ACOXL: variants seen among roughly 807,000 people sequenced by gnomAD.
ACOXL encodes acyl-coenzyme A oxidase-like protein.
In ACOXL, 70 loss-of-function variants were observed where a neutral mutation model predicts 71.9. The ratio of observed to expected loss-of-function variants is 0.97; its 90% CI spans 0.80 to 1.19. ACOXL has a LOEUF of 1.19. Among genes scored for constraint, ACOXL ranks in the 50% most tolerant of loss-of-function variants. The probability of loss-of-function intolerance (pLI) is 0.00; values close to 1 mark genes in which losing one functional copy is unlikely to be tolerated. For synonymous variants in ACOXL, 253 were observed against 281.6 expected (o/e 0.90, Z 1.02); for missense variants, 703 against 736.3 (o/e 0.95, Z 0.52).
At chr2:110,881,693 C>T (rs1176158291) in intron 10 of ACOXL, among the ~76,000 whole-genome samples, 1 of 152,110 alleles carries the variant, frequency 6.6e-6, no homozygotes, top group Non-Finnish European at 1.5e-5. Flanking sequence ...TATCAGTTAC[C>T]TTGCATTTTC....
intron 1 of ACOXL, among the ~76,000 whole-genome samples, chr2:110,759,605 G>T (rs981181416): frequency 4.6e-5 from 7 of 152,056 alleles, no homozygotes; most frequent in African/African-American, 1.7e-4. Context: ...ACATACTGAT[G>T]GGTCTTGGCG....
At chr2:110,958,498 C>G (rs1172703199) in intron 12 of ACOXL, among the ~76,000 whole-genome samples, 1 of 152,212 alleles carries the variant, frequency 6.6e-6, no homozygotes, top group Non-Finnish European at 1.5e-5. Context: ...ATCCCCCAGG[C>G]TTCCATTCAG....
At chr2:110,815,891 G>A (rs1687849616) in intron 9 of ACOXL, among the ~76,000 whole-genome samples, 1 of 152,246 alleles carries the variant, frequency 6.6e-6, no homozygotes, top group African/African-American at 2.4e-5. Context: ...TCAAGTCCAA[G>A]AGGACAGAAC....
At chr2:110,963,590 TGTGTGTGTG>T in intron 12 of ACOXL, 1 of 1,605,068 alleles carries the variant, frequency 6.2e-7, no homozygotes, top group Non-Finnish European at 8.5e-7. Context: ...TGTGTGTGTG[TGTGTGTGTG>T]TGTGTTTTTC....
At chr2:110,887,119 C>T in intron 10 of ACOXL, 1 of 402,812 alleles carries the variant, frequency 2.5e-6, no homozygotes, top group Non-Finnish European at 4.5e-6. Context: ...GGTGGAAAAA[C>T]TCTGATCTGA....
At chr2:111,079,630 A>G (rs1235670188) in intron 16 of ACOXL, among the ~76,000 whole-genome samples, 2 of 152,138 alleles carry the variant, frequency 1.3e-5, no homozygotes, top group African/African-American at 4.8e-5. Flanking sequence ...ACTCACTGCC[A>G]GTTTTGGAGC....
intron 12 of ACOXL, among the ~76,000 whole-genome samples, chr2:110,956,792 A>C (rs1354525978): frequency 6.6e-6 from 1 of 152,246 alleles, no homozygotes; most frequent in Non-Finnish European, 1.5e-5. Flanking sequence ...TGAAAAATTC[A>C]GTGATGTTAA....
intron 16 of ACOXL, among the ~76,000 whole-genome samples, chr2:111,084,258 T>TACACACACAC (rs61263209): frequency 4.4e-5 from 6 of 134,924 alleles, no homozygotes; most frequent in East Asian, 4.6e-4. Context: ...ATCTAAGGAA[T>TACACACACAC]ACACACACAC....
chr2:111,017,100 C>T (rs1558872505), intron 14 of ACOXL, among the ~76,000 whole-genome samples: 4 of 152,312 alleles, frequency 2.6e-5, no homozygotes, highest in South Asian at 2.1e-4. Context: ...TTTGACTTGG[C>T]GTAAGTGACA....
intron 15 of ACOXL, among the ~76,000 whole-genome samples, chr2:111,037,112 C>G (rs2065552998): frequency 1.3e-5 from 2 of 152,222 alleles, no homozygotes; most frequent in African/African-American, 4.8e-5. Flanking sequence ...AAGCTCTCCT[C>G]TGACATCCTG....
intron 12 of ACOXL, among the ~76,000 whole-genome samples, chr2:110,935,701 A>C (rs932872593): frequency 6.6e-6 from 1 of 152,184 alleles, no homozygotes; most frequent in African/African-American, 2.4e-5. Context: ...CTCTGCTCAC[A>C]ATAATTCTGA....
chr2:111,109,446 T>C (rs2069784957), intron 17 of ACOXL, among the ~76,000 whole-genome samples: 1 of 56,062 alleles, frequency 1.8e-5, no homozygotes, highest in South Asian at 3.3e-4. Context: ...GCCTGTTCAT[T>C]TTTTTTTCTC....
intron 1 of ACOXL, among the ~76,000 whole-genome samples, chr2:110,761,464 C>T (rs1376035968): frequency 6.6e-6 from 1 of 152,236 alleles, no homozygotes; most frequent in African/African-American, 2.4e-5. Context: ...GAATACCCTG[C>T]AATCAATGAC....
chr2:110,873,804 G>A (rs1036117225), intron 10 of ACOXL, among the ~76,000 whole-genome samples: 4 of 152,366 alleles, frequency 2.6e-5, no homozygotes, highest in African/African-American at 9.6e-5. Flanking sequence ...CAGTAGGGCA[G>A]GTTTATATAC....
intron 11 of ACOXL, among the ~76,000 whole-genome samples, chr2:110,919,567 T>A (rs12151764): frequency 0.69 from 104,813 of 150,888 alleles, 36,591 homozygotes; most frequent in East Asian, 0.84. Flanking sequence ...AGTAAAAAAA[T>A]AAAAATCACA....
chr2:111,066,400 G>A (rs746872451), intron 16 of ACOXL, among the ~76,000 whole-genome samples: 38 of 152,154 alleles, frequency 2.5e-4, no homozygotes, highest in Non-Finnish European at 5.0e-4. Context: ...GAAAGAGGAA[G>A]GAAGTAGGTG....
chr2:110,827,234 C>T (rs1040986760), intron 9 of ACOXL, among the ~76,000 whole-genome samples: 4 of 152,168 alleles, frequency 2.6e-5, no homozygotes, highest in Non-Finnish European at 5.9e-5. Flanking sequence ...GGCACTGACA[C>T]CCACATATGC....
At chr2:110,846,306 C>T (rs1389576663) in intron 10 of ACOXL, among the ~76,000 whole-genome samples, 8 of 152,010 alleles carry the variant, frequency 5.3e-5, no homozygotes, top group Admixed American at 5.2e-4. Flanking sequence ...TCCAAAATGA[C>T]AATACTGGGA....
intron 12 of ACOXL, among the ~76,000 whole-genome samples, chr2:110,967,355 G>C (rs1426045689): frequency 6.6e-6 from 1 of 152,116 alleles, no homozygotes; most frequent in Non-Finnish European, 1.5e-5. Context: ...CAACAGAGAA[G>C]ACAAAAATGA....
Sources: gnomAD v4.1 joint callset for allele counts (sites outside exome capture counted in the v4.1 genomes callset) on GRCh38, gnomAD v4.1.1 for gene constraint, MANE v1.5 for transcripts, NCBI Gene and HGNC (gene_info 2026-07-23, HGNC 2026-07-21) for gene names.